CRPPA: variants seen among roughly 807,000 people sequenced by gnomAD.
The protein encoded by CRPPA is D-ribitol-5-phosphate cytidylyltransferase.
Under a neutral mutation model 52.0 loss-of-function variants are expected in CRPPA, and 43 were observed. The observed-to-expected ratio is 0.83, with a 90% CI of 0.65 to 1.07. CRPPA has a LOEUF of 1.07. CRPPA is among the 50% of genes least tolerant of loss of function. The probability of loss-of-function intolerance (pLI) is 0.00; values close to 1 mark genes in which losing one functional copy is unlikely to be tolerated. For synonymous variants in CRPPA, 250 were observed against 203.5 expected (o/e 1.23, Z -1.94); for missense variants, 629 against 551.7 (o/e 1.14, Z -1.40).
chr7:16,406,704 CT>C (rs943309865), intron 1 of CRPPA, among the ~76,000 whole-genome samples: 2 of 152,108 alleles, frequency 1.3e-5, no homozygotes, highest in Non-Finnish European at 2.9e-5. Flanking sequence ...TTTCCAAATA[CT>C]TTTCCCTTCA....
At chr7:16,199,848 C>G (rs145397173) in intron 9 of CRPPA, among the ~76,000 whole-genome samples, 3 of 143,200 alleles carry the variant, frequency 2.1e-5, no homozygotes, top group Admixed American at 1.4e-4. Context: ...GATCTGTAAG[C>G]TTTTTCTTTT....
At chr7:16,279,536 A>G in intron 5 of CRPPA, among the ~76,000 whole-genome samples, 1 of 152,318 alleles carries the variant, frequency 6.6e-6, no homozygotes, top group South Asian at 2.1e-4. Flanking sequence ...ATTCTAAGTT[A>G]CGTGGTGCTA....
chr7:16,285,571 G>C (rs1784407453), intron 5 of CRPPA, among the ~76,000 whole-genome samples: 1 of 151,998 alleles, frequency 6.6e-6, no homozygotes, highest in African/African-American at 2.4e-5. Flanking sequence ...AGTTTGATGT[G>C]ATTTAACAGA....
intron 9 of CRPPA, chr7:16,209,123 TA>T: frequency 5.4e-6 from 2 of 372,108 alleles, no homozygotes; most frequent in Non-Finnish European, 1.1e-5. Flanking sequence ...CAGAAAAAGC[TA>T]AAACTACAAA....
chr7:16,368,925 A>G (rs1298181064), intron 3 of CRPPA, among the ~76,000 whole-genome samples: 1 of 152,208 alleles, frequency 6.6e-6, no homozygotes, highest in Non-Finnish European at 1.5e-5. Flanking sequence ...CTCACATCAA[A>G]TCTGTTTATA....
chr7:16,363,179 G>C (rs1336673386), intron 3 of CRPPA, among the ~76,000 whole-genome samples: 1 of 152,092 alleles, frequency 6.6e-6, no homozygotes, highest in Non-Finnish European at 1.5e-5. Context: ...TCTTAATGAG[G>C]AGCTCTATTG....
At chr7:16,101,761 A>G (rs117244721) in intron 9 of CRPPA, among the ~76,000 whole-genome samples, 4,300 of 152,242 alleles carry the variant, frequency 0.028, 91 homozygotes, top group Middle Eastern at 0.051. Flanking sequence ...GATGTGAAAT[A>G]CCTCTTCAAG....
At chr7:16,260,271 G>C (rs996078458) in intron 6 of CRPPA, among the ~76,000 whole-genome samples, 1 of 151,924 alleles carries the variant, frequency 6.6e-6, no homozygotes, top group Non-Finnish European at 1.5e-5. Context: ...TTTCTTCCTA[G>C]AACAGATTTA....
At chr7:16,392,931 T>C (rs1056151594) in intron 2 of CRPPA, among the ~76,000 whole-genome samples, 8 of 152,194 alleles carry the variant, frequency 5.3e-5, no homozygotes, top group Admixed American at 3.9e-4. Flanking sequence ...AAAAGTATTC[T>C]TGTACTTCTT....
intron 3 of CRPPA, among the ~76,000 whole-genome samples, chr7:16,311,049 T>C (rs916316495): frequency 1.3e-5 from 2 of 152,126 alleles, no homozygotes; most frequent in African/African-American, 2.4e-5. Context: ...ATTAGGTTCA[T>C]AGCAAAATGG....
chr7:16,343,432 A>G (rs1785924223), intron 3 of CRPPA, among the ~76,000 whole-genome samples: 1 of 152,126 alleles, frequency 6.6e-6, no homozygotes, highest in South Asian at 2.1e-4. Flanking sequence ...CCAATGAAAA[A>G]AGCAAAATAA....
intron 9 of CRPPA, among the ~76,000 whole-genome samples, chr7:16,212,852 G>C (rs1011345692): frequency 6.6e-5 from 10 of 152,158 alleles, no homozygotes; most frequent in Admixed American, 5.9e-4. Context: ...ACAGACACTA[G>C]CTCAGTGAAA....
chr7:16,200,251 T>C (rs1325089103), intron 9 of CRPPA, among the ~76,000 whole-genome samples: 1 of 152,228 alleles, frequency 6.6e-6, no homozygotes, highest in Non-Finnish European at 1.5e-5. Context: ...GGAGTTCTTG[T>C]GCAAGAAGCA....
intron 9 of CRPPA, among the ~76,000 whole-genome samples, chr7:16,206,926 T>C (rs1002330819): frequency 2.0e-5 from 3 of 152,134 alleles, no homozygotes; most frequent in Non-Finnish European, 2.9e-5. Flanking sequence ...TAAAGTATAC[T>C]TCCTTACCAG....
At position 16,221,102 on chromosome 7, in the gene CRPPA, G is replaced by A. The variant is rs1289136666; in HGVS notation, c.1120-4905C>T. 2.6e-5 allele frequency among the ~76,000 whole-genome samples: 4 copies of A among 152,084 alleles called. No individual in the cohort carries two copies. The East Asian group carries it at 5.8e-4, about 22-fold the overall frequency. ...GTACTGGTACCAAAACAGAGAAATC[G>A]ATCAATGGAACAGAACAGAGCCCTC... is the stretch of plus-strand genomic sequence containing the variant. On this transcript the variant is annotated intron_variant, in intron 8 of 9. Transcript: ENST00000407010.
intron 9 of CRPPA, chr7:16,208,931 G>C: frequency 2.9e-6 from 1 of 347,602 alleles, no homozygotes; most frequent in Admixed American, 2.9e-5. Flanking sequence ...CATGCCAATA[G>C]CATTCCCACA....
chr7:16,285,440 A>T (rs1784403556), intron 5 of CRPPA, among the ~76,000 whole-genome samples: 1 of 152,182 alleles, frequency 6.6e-6, no homozygotes, highest in Admixed American at 6.6e-5. Context: ...CTAAAAGGCC[A>T]GTGGCAGATG....
intron 2 of CRPPA, among the ~76,000 whole-genome samples, chr7:16,403,260 T>C (rs1407181579): frequency 1.3e-5 from 2 of 152,178 alleles, no homozygotes; most frequent in South Asian, 2.1e-4. Flanking sequence ...CTTGCCTCCC[T>C]GTAGGGCCTG....
intron 9 of CRPPA, among the ~76,000 whole-genome samples, chr7:16,195,421 A>C (rs1276641429): frequency 2.0e-5 from 3 of 152,140 alleles, no homozygotes; most frequent in Admixed American, 6.6e-5. Context: ...GAGGTAGCCC[A>C]GGAAACAATC....
Sources: gnomAD v4.1 joint callset for allele counts (sites outside exome capture counted in the v4.1 genomes callset) on GRCh38, gnomAD v4.1.1 for gene constraint, MANE v1.5 for transcripts, NCBI Gene and HGNC (gene_info 2026-07-23, HGNC 2026-07-21) for gene names.